HCRTR2: variants seen among roughly 807,000 people sequenced by gnomAD.
HCRTR2 encodes orexin receptor type 2.
A neutral mutation model predicts 49.0 loss-of-function variants in HCRTR2; 22 were observed. The observed-to-expected ratio is 0.45, with a 90% CI of 0.32 to 0.64. HCRTR2 has a LOEUF of 0.64. HCRTR2 is among the 30% of genes least tolerant of loss of function. The pLI, the probability that HCRTR2 is intolerant of heterozygous loss-of-function variation, is 0.04. For missense variants in HCRTR2, 491 were observed against 559.4 expected, an observed-to-expected ratio of 0.88 and a Z score of 1.23; for synonymous variants, 236 against 205.3, an observed-to-expected ratio of 1.15 and a Z score of -1.28.
At chr6:55,119,379 C>A (rs1424929567) in intron 1 of HCRTR2, among the ~76,000 whole-genome samples, 2 of 152,146 alleles carry the variant, frequency 1.3e-5, no homozygotes, top group African/African-American at 4.8e-5. Context: ...AATGCTTGAA[C>A]TAACTTACAC....
chr6:55,241,869 T>TC (rs755844500), intron 1 of HCRTR2, among the ~76,000 whole-genome samples: 1 of 134,914 alleles, frequency 7.4e-6, no homozygotes, highest in East Asian at 2.0e-4. Flanking sequence ...TAATTTTTTT[T>TC]TTTTTTTTTT....
chr6:55,228,718 T>A (rs2127299033), intron 1 of HCRTR2, among the ~76,000 whole-genome samples: 1 of 152,348 alleles, frequency 6.6e-6, no homozygotes, highest in Non-Finnish European at 1.5e-5. Flanking sequence ...CTTAGGCAAT[T>A]AGTAAGTTCA....
intron 1 of HCRTR2, among the ~76,000 whole-genome samples, chr6:55,236,061 G>A (rs1445975122): frequency 6.6e-6 from 1 of 151,876 alleles, no homozygotes; most frequent in Non-Finnish European, 1.5e-5. Flanking sequence ...ATTTTAATTT[G>A]GAATGCATTG....
chr6:55,198,482 C>G (rs567479465), intron 1 of HCRTR2, among the ~76,000 whole-genome samples: 1 of 152,262 alleles, frequency 6.6e-6, no homozygotes, highest in East Asian at 1.9e-4. Flanking sequence ...AAACTCAACC[C>G]TAACTTTAAA....
chr6:55,270,829 T>C (rs1041796790), intron 4 of HCRTR2, among the ~76,000 whole-genome samples: 3 of 152,138 alleles, frequency 2.0e-5, no homozygotes, highest in African/African-American at 7.2e-5. Context: ...GAATTTCAGA[T>C]AAGGGATATT....
intron 1 of HCRTR2, among the ~76,000 whole-genome samples, chr6:55,214,158 A>G (rs1395469421): frequency 6.6e-6 from 1 of 152,248 alleles, no homozygotes; most frequent in Non-Finnish European, 1.5e-5. Flanking sequence ...CAAGCTCCTG[A>G]AAAAAGAAAT....
intron 3 of HCRTR2, among the ~76,000 whole-genome samples, chr6:55,261,066 T>A (rs1240343497): frequency 6.6e-6 from 1 of 152,234 alleles, no homozygotes; most frequent in Non-Finnish European, 1.5e-5. Flanking sequence ...TCTGTTGTGT[T>A]AGCATTCAAT....
At chr6:55,155,366 T>C (rs1008546409) in intron 1 of HCRTR2, among the ~76,000 whole-genome samples, 2 of 151,904 alleles carry the variant, frequency 1.3e-5, no homozygotes, top group Admixed American at 1.3e-4. Context: ...AAATACCAAA[T>C]AACAAACCCA....
At chr6:55,144,099 CTTTTTTTTTTTTTTTTTT>C (rs530138605) in intron 1 of HCRTR2, among the ~76,000 whole-genome samples, 22 of 85,384 alleles carry the variant, frequency 2.6e-4, no homozygotes, top group Admixed American at 2.1e-3. Flanking sequence ...CCCGTCCTGC[CTTTTTTTTTTTTTTTTTT>C]TTTTTTTTTT....
chr6:55,184,912 A>G (rs991195016), intron 1 of HCRTR2, among the ~76,000 whole-genome samples: 2 of 152,196 alleles, frequency 1.3e-5, no homozygotes, highest in African/African-American at 4.8e-5. Flanking sequence ...TAATAATTTA[A>G]TTCATCAATT....
chr6:55,191,460 A>C (rs1469954983), intron 1 of HCRTR2, among the ~76,000 whole-genome samples: 4 of 152,176 alleles, frequency 2.6e-5, no homozygotes, highest in Non-Finnish European at 5.9e-5. Flanking sequence ...ATTGCTATAC[A>C]TAGTAAATAT....
At chr6:55,199,246 G>A (rs1765468660) in intron 1 of HCRTR2, among the ~76,000 whole-genome samples, 2 of 151,230 alleles carry the variant, frequency 1.3e-5, no homozygotes, top group South Asian at 4.2e-4. Context: ...TTCTAATTTT[G>A]TGGTTTTGAC....
chr6:55,124,257 T>C (rs995637431), intron 1 of HCRTR2, among the ~76,000 whole-genome samples: 1 of 152,204 alleles, frequency 6.6e-6, no homozygotes, highest in Non-Finnish European at 1.5e-5. Context: ...CATTCAGTGC[T>C]ATAAATTTCC....
chr6:55,122,736 G>T (rs1166202491), intron 1 of HCRTR2, among the ~76,000 whole-genome samples: 1 of 152,026 alleles, frequency 6.6e-6, no homozygotes, highest in Non-Finnish European at 1.5e-5. Context: ...AACAATGATA[G>T]ACTGGATTAA....
chr6:55,148,564 A>T (rs1764624566), intron 1 of HCRTR2, among the ~76,000 whole-genome samples: 1 of 152,156 alleles, frequency 6.6e-6, no homozygotes, highest in Non-Finnish European at 1.5e-5. Flanking sequence ...GAAGGAGTTG[A>T]CTAGAGTAGC....
chr6:55,250,813 C>T (rs1327888527), intron 2 of HCRTR2, among the ~76,000 whole-genome samples: 1 of 152,142 alleles, frequency 6.6e-6, no homozygotes, highest in Non-Finnish European at 1.5e-5. Context: ...TCTCTGCACA[C>T]AGTGTCCAAT....
chr6:55,260,251 A>G (rs1255030336), intron 3 of HCRTR2, among the ~76,000 whole-genome samples: 4 of 152,142 alleles, frequency 2.6e-5, no homozygotes, highest in Non-Finnish European at 5.9e-5. Flanking sequence ...GCAGGTATGT[A>G]AGCTTCAAAG....
At chr6:55,276,351 A>T (rs1767076297) in intron 4 of HCRTR2, among the ~76,000 whole-genome samples, 1 of 152,226 alleles carries the variant, frequency 6.6e-6, no homozygotes, top group South Asian at 2.1e-4. Context: ...CAAATTAAAG[A>T]TTATCGAACA....
intron 1 of HCRTR2, among the ~76,000 whole-genome samples, chr6:55,143,950 C>T (rs904943598): frequency 2.6e-5 from 4 of 152,102 alleles, no homozygotes; most frequent in African/African-American, 9.7e-5. Flanking sequence ...TTATATAATT[C>T]TCAAGCCCTT....
Sources: allele counts gnomAD v4.1 joint callset (sites outside exome capture counted in the v4.1 genomes callset), GRCh38; gene constraint gnomAD v4.1.1; transcripts MANE v1.5; gene names NCBI Gene and HGNC (gene_info 2026-07-23, HGNC 2026-07-21).